KCNQ5: variants seen among roughly 807,000 people sequenced by gnomAD.
KCNQ5 encodes potassium voltage-gated channel subfamily Q member 5, also known as potassium voltage-gated channel subfamily KQT member 5.
In KCNQ5, 30 loss-of-function variants were observed where a neutral mutation model predicts 98.2. The ratio of observed to expected loss-of-function variants is 0.31; its 90% CI spans 0.23 to 0.41. The LOEUF (loss-of-function observed/expected upper bound fraction) is 0.41, where lower values mean the gene tolerates loss of function less well. Among genes scored for constraint, KCNQ5 ranks in the 10% least tolerant of loss-of-function variants. The probability of loss-of-function intolerance (pLI) is 1.00; values close to 1 mark genes in which losing one functional copy is unlikely to be tolerated. For missense variants in KCNQ5, 835 were observed against 1,182.5 expected, an observed-to-expected ratio of 0.71 and a Z score of 4.31; for synonymous variants, 458 against 449.4, an observed-to-expected ratio of 1.02 and a Z score of -0.24.
At chr6:72,887,378 G>A (rs988885073) in intron 1 of KCNQ5, among the ~76,000 whole-genome samples, 1 of 152,002 alleles carries the variant, frequency 6.6e-6, no homozygotes, top group African/African-American at 2.4e-5. Context: ...CACAAGAACA[G>A]CACAGGAAAG....
intron 1 of KCNQ5, among the ~76,000 whole-genome samples, chr6:72,841,237 A>C (rs1013286456): frequency 6.6e-6 from 1 of 152,072 alleles, no homozygotes; most frequent in South Asian, 2.1e-4. Context: ...CATTACCACT[A>C]TTTTGACTAT....
chr6:73,067,998 T>A (rs1773137711), intron 3 of KCNQ5, among the ~76,000 whole-genome samples: 1 of 152,030 alleles, frequency 6.6e-6, no homozygotes, highest in Non-Finnish European at 1.5e-5. Context: ...CTATATACTA[T>A]AAGAATACAT....
At chr6:72,831,972 T>G (rs757853468) in intron 1 of KCNQ5, among the ~76,000 whole-genome samples, 1 of 152,220 alleles carries the variant, frequency 6.6e-6, no homozygotes, top group South Asian at 2.1e-4. Context: ...GTGTCAATCC[T>G]AGATGTCTGG....
At chr6:72,666,602 A>C (rs1428317232) in intron 1 of KCNQ5, among the ~76,000 whole-genome samples, 1 of 152,174 alleles carries the variant, frequency 6.6e-6, no homozygotes, top group East Asian at 1.9e-4. Context: ...CCTAATGGCT[A>C]ATTTGTAATG....
chr6:72,875,784 ATAT>A (rs1309111039), intron 1 of KCNQ5, among the ~76,000 whole-genome samples: 15 of 152,066 alleles, frequency 9.9e-5, no homozygotes, highest in Non-Finnish European at 1.5e-4. Context: ...ATAATGAATA[ATAT>A]TATCATCACT....
chr6:72,730,495 C>G (rs1770502736), intron 1 of KCNQ5, among the ~76,000 whole-genome samples: 1 of 152,108 alleles, frequency 6.6e-6, no homozygotes, highest in African/African-American at 2.4e-5. Context: ...AGAATTTGTT[C>G]TGGTGTAATG....
intron 1 of KCNQ5, among the ~76,000 whole-genome samples, chr6:72,810,386 A>G (rs1254103604): frequency 6.6e-6 from 1 of 152,236 alleles, no homozygotes; most frequent in Non-Finnish European, 1.5e-5. Context: ...ACTAGAGCTA[A>G]TAGGACATTT....
At chr6:72,742,083 G>T (rs1442993036) in intron 1 of KCNQ5, among the ~76,000 whole-genome samples, 2 of 152,186 alleles carry the variant, frequency 1.3e-5, no homozygotes, top group Admixed American at 6.5e-5. Context: ...GGAAGCAACT[G>T]AAGGTTTATT....
In KCNQ5 at chr6:72,831,841, G is replaced by C. The variant is rs374271232; in HGVS notation, c.399-172067G>C. Among the ~76,000 whole-genome samples the C allele has an allele frequency of 2.6e-5, 4 of 152,204 alleles. No individual in the cohort carries two copies. In the South Asian group the frequency reaches 6.2e-4, roughly 24 times the overall value. On this transcript the variant is annotated intron_variant, in intron 1 of 13. Coordinates refer to ENST00000370398, the MANE Select transcript of KCNQ5 (RefSeq NM_019842.4). ...AAACTGGAGTACAGAGAACATTAGAGTGGGGCTTTAGTGAGGTGTGTGGGC... is the reference window on the plus strand; with the variant it reads ...AAACTGGAGTACAGAGAACATTAGACTGGGGCTTTAGTGAGGTGTGTGGGC...
At chr6:72,895,545 T>C (rs900470596) in intron 1 of KCNQ5, among the ~76,000 whole-genome samples, 7 of 151,428 alleles carry the variant, frequency 4.6e-5, no homozygotes, top group East Asian at 3.9e-4. Flanking sequence ...GAACCAGGGT[T>C]AGGAGGAACG....
chr6:73,073,422 G>T (rs2150387436), intron 3 of KCNQ5, among the ~76,000 whole-genome samples: 1 of 152,282 alleles, frequency 6.6e-6, no homozygotes. Context: ...ATTGTAGGAT[G>T]GTTAGCAGCA....
At chr6:72,901,755 T>G (rs965910728) in intron 1 of KCNQ5, among the ~76,000 whole-genome samples, 1 of 152,314 alleles carries the variant, frequency 6.6e-6, no homozygotes, top group South Asian at 2.1e-4. Context: ...TATGGCCTTA[T>G]AGTATAGTTT....
intron 1 of KCNQ5, among the ~76,000 whole-genome samples, chr6:72,712,800 A>G (rs1488269900): frequency 7.9e-5 from 12 of 152,120 alleles, no homozygotes; most frequent in African/African-American, 2.9e-4. Context: ...GAAAAACTTT[A>G]TTAACTTCAT....
At chr6:72,728,570 G>T (rs1355342750) in intron 1 of KCNQ5, among the ~76,000 whole-genome samples, 2 of 152,140 alleles carry the variant, frequency 1.3e-5, no homozygotes, top group Admixed American at 1.3e-4. Flanking sequence ...GTCATTGATT[G>T]GTCCATAGCA....
At chr6:72,860,484 A>G (rs976173758) in intron 1 of KCNQ5, among the ~76,000 whole-genome samples, 1 of 152,202 alleles carries the variant, frequency 6.6e-6, no homozygotes, top group South Asian at 2.1e-4. Context: ...CCTCATCTGT[A>G]AAATAATGGG....
intron 1 of KCNQ5, among the ~76,000 whole-genome samples, chr6:72,943,623 G>A (rs1033242828): frequency 3.3e-5 from 5 of 152,136 alleles, no homozygotes; most frequent in South Asian, 4.1e-4. Context: ...CCTTTTCAGC[G>A]CATTCATTTG....
At chr6:72,865,567 C>CT (rs1777947791) in intron 1 of KCNQ5, among the ~76,000 whole-genome samples, 1 of 152,096 alleles carries the variant, frequency 6.6e-6, no homozygotes, top group African/African-American at 2.4e-5. Flanking sequence ...ATAAGGGATC[C>CT]TGAACAGGAT....
chr6:72,805,480 G>A (rs369602640), intron 1 of KCNQ5, among the ~76,000 whole-genome samples: 2 of 151,924 alleles, frequency 1.3e-5, no homozygotes, highest in East Asian at 1.9e-4. Flanking sequence ...TAGATATATA[G>A]ATATATGGAT....
intron 1 of KCNQ5, among the ~76,000 whole-genome samples, chr6:72,930,181 T>C (rs905661826): frequency 2.6e-5 from 4 of 152,052 alleles, no homozygotes; most frequent in African/African-American, 4.8e-5. Context: ...GTGTTCCTTA[T>C]GTGGAGTAGG....
Sources: allele counts gnomAD v4.1 joint callset (sites outside exome capture counted in the v4.1 genomes callset), GRCh38; gene constraint gnomAD v4.1.1; transcripts MANE v1.5; gene names NCBI Gene and HGNC (gene_info 2026-07-23, HGNC 2026-07-21).